The following ZNF682 variants were observed in gnomAD, a reference collection of about 807,000 sequenced individuals.
The protein encoded by ZNF682 is zinc finger protein 682.
A neutral mutation model predicts 36.5 loss-of-function variants in ZNF682; 29 were observed. That is an observed-to-expected ratio of 0.80 (90% confidence interval 0.59 to 1.08). The LOEUF (loss-of-function observed/expected upper bound fraction) is 1.08, where lower values mean the gene tolerates loss of function less well. Among genes scored for constraint, ZNF682 ranks in the 50% least tolerant of loss-of-function variants. The pLI, the probability that ZNF682 is intolerant of heterozygous loss-of-function variation, is 0.00. For missense variants in ZNF682, 561 were observed against 579.7 expected (o/e 0.97, Z 0.33); for synonymous variants, 180 against 197.0 (o/e 0.91, Z 0.72).
chr19:19,997,459 T>C (rs1046671593), intron 3 of ZNF682, among the ~76,000 whole-genome samples: 1 of 152,180 alleles, frequency 6.6e-6, no homozygotes, highest in African/African-American at 2.4e-5. Context: ...AAAATGCTTC[T>C]ACTCCCTGGA....
chr19:20,027,785 CAA>C (rs58406735), intron 1 of ZNF682, among the ~76,000 whole-genome samples: 19 of 142,690 alleles, frequency 1.3e-4, no homozygotes, highest in South Asian at 6.8e-4. Context: ...AAAACAAAAA[CAA>C]AAAAAAAAAA....
At position 20,006,970 on chromosome 19, in the gene ZNF682, A is replaced by G. The variant is rs763342819; in HGVS notation, c.532T>C (p.Cys178Arg). The G allele has an allele frequency of 1.2e-6, 2 of 1,612,978 alleles. No individual in the cohort carries two copies. Among genetic ancestry groups the G allele is most frequent in the South Asian group, 2.2e-5 (2 of 90,962 alleles). The change falls in exon 4 of 4, where the codon TGT (cysteine) becomes CGT (arginine). Residue 178 changes from cysteine to arginine, a missense_variant. Cys to Arg is a radical substitution (Grantham distance 180). Transcript: ENST00000397165. ...GAGTGAGATTTAAAGACTTTGCCAC[A>G]TTGCATACATTTGAAAAGTTTCTCT... ...TTEKLFKCMQ[C>R]GKVFKSHSGL...
In ZNF682 at chr19:20,010,883, T is replaced by C. The variant is rs1599605285; in HGVS notation, c.227-3608A>G. 3.3e-5 allele frequency among the ~76,000 whole-genome samples: 5 copies of C among 152,060 alleles called. No homozygotes were observed. In the South Asian group the frequency reaches 8.3e-4, roughly 25 times the overall value. Reference sequence around the variant, plus strand: ...GGGAGGCTGAGGCAGGAGAATTGCTTGAATCCAGGAGGCAGAGGTTGCAGT... The same window carrying C: ...GGGAGGCTGAGGCAGGAGAATTGCTCGAATCCAGGAGGCAGAGGTTGCAGT... On this transcript the variant is annotated intron_variant, in intron 3 of 3. Transcript: ENST00000397165.
In ZNF682 at chr19:20,006,847, G is replaced by A. The variant is rs1459724370; in HGVS notation, c.655C>T (p.His219Tyr). 1.2e-6 allele frequency: 2 copies of A among 1,614,050 alleles called. No individual in the cohort carries two copies. The highest frequency in any genetic ancestry group is 1.1e-5 in the South Asian group (1 of 91,074). The change falls in exon 4 of 4, where the codon CAT becomes TAT. Residue 219 changes from histidine to tyrosine, a missense_variant. Physicochemically the swap from His to Tyr is moderately conservative, Grantham distance 83. Transcript: ENST00000397165. The stretch of plus-strand genomic sequence containing the variant: ...TTCTCTCCAGTGTGAATTCTCTTAT[G>A]TTTAGTAAGGTATGAGAACCACTTA... ...TFKWFSYLTK[H>Y]KRIHTGEKPY...
At chr19:20,018,801 T>C (rs1266721549) in intron 3 of ZNF682, among the ~76,000 whole-genome samples, 2 of 152,138 alleles carry the variant, frequency 1.3e-5, no homozygotes, top group African/African-American at 2.4e-5. Flanking sequence ...AAATATGACA[T>C]TGGACTTGGC....
At chr19:20,037,488 G>T (rs2088541217) in intron 1 of ZNF682, among the ~76,000 whole-genome samples, 1 of 152,210 alleles carries the variant, frequency 6.6e-6, no homozygotes, top group Non-Finnish European at 1.5e-5. Context: ...AATAAGCAAA[G>T]AAATCTTTCC....
rs1458661821 is a variant in ZNF682 at position 20,005,826 on chromosome 19, G to C, written c.*179C>G. 9 of 614,874 alleles carry C rather than the reference G, an allele frequency of 1.5e-5. No individual in the cohort carries two copies. In the Admixed American group the frequency reaches 3.0e-4, roughly 21 times the overall value. The allele number at this position is 614,874 out of a possible 1,614,324, so 38.1% of individuals were successfully genotyped here. A position where few individuals can be genotyped will look rare whatever the true frequency, so the allele number is the denominator to read the frequency against. ...TTCTTTAAAATCAGAATTTTTCTCA[G>C]CATGAATTTTCTTCTGTGCAATAAG... On this transcript the variant is annotated 3_prime_UTR_variant, in exon 4 of 4. Coordinates refer to ENST00000397165, the MANE Select transcript of ZNF682 (RefSeq NM_033196.3).
chr19:20,023,968 T>TA (rs1186738188), intron 2 of ZNF682, among the ~76,000 whole-genome samples: 1 of 151,982 alleles, frequency 6.6e-6, no homozygotes, highest in African/African-American at 2.4e-5. Flanking sequence ...GCAACAGAGC[T>TA]AGACTCTGTC....
downstream of ZNF682, among the ~76,000 whole-genome samples, chr19:20,001,430 AAGG>A: frequency 6.6e-6 from 1 of 152,328 alleles, no homozygotes; most frequent in South Asian, 2.1e-4. Flanking sequence ...CCCATCAGGG[AAGG>A]AGGTGTGCAT....
chr19:20,007,676 A>T (rs2088240815), intron 3 of ZNF682: 1 of 177,894 alleles, frequency 5.6e-6, no homozygotes, highest in Admixed American at 5.5e-5. Flanking sequence ...TTCCCAGCTA[A>T]ATCTAGTCTG....
intron 2 of ZNF682, among the ~76,000 whole-genome samples, chr19:20,023,912 G>A (rs1487874686): frequency 6.6e-6 from 1 of 152,028 alleles, no homozygotes; most frequent in African/African-American, 2.4e-5. Context: ...AACCCAGGAG[G>A]TGGAGGTTGC....
intron 1 of ZNF682, among the ~76,000 whole-genome samples, chr19:20,027,815 G>C (rs1288452877): frequency 6.6e-6 from 1 of 151,436 alleles, no homozygotes; most frequent in African/African-American, 2.4e-5. Flanking sequence ...TGGGGAGGCT[G>C]AGTCAGGAGA....
exon 4 of ZNF682, chr19:19,997,246 G>C (rs186339992): frequency 5.0e-6 from 2 of 398,616 alleles, no homozygotes; most frequent in Admixed American, 4.4e-5. Flanking sequence ...GGGTCCTACT[G>C]TCCAACTCTG....
At chr19:20,015,858 A>C (rs903591012) in intron 3 of ZNF682, 1 of 398,048 alleles carries the variant, frequency 2.5e-6, no homozygotes, top group South Asian at 1.3e-4. Flanking sequence ...GAAGCAAAGA[A>C]AAGACTTACA....
chr19:20,034,914 T>C lies in ZNF682; in HGVS notation c.3+4429A>G, dbSNP rs369622233. Among the ~76,000 whole-genome samples the C allele has an allele frequency of 2.8e-4, 43 of 152,122 alleles. No individual in the cohort carries two copies. The East Asian group carries it at 8.0e-3, about 28-fold the overall frequency. On this transcript the variant is annotated intron_variant, in intron 1 of 3. Coordinates refer to ENST00000397165, the MANE Select transcript of ZNF682 (RefSeq NM_033196.3). ...AAGTTCGAGACCAGCCTGGCCAGCA[T>C]GGCGAAACCCCGTCTCTACTAAAAT...
At chr19:20,018,874 G>A (rs1365919041) in intron 3 of ZNF682, among the ~76,000 whole-genome samples, 1 of 152,098 alleles carries the variant, frequency 6.6e-6, no homozygotes, top group African/African-American at 2.4e-5. Context: ...GAAATCAAAT[G>A]CATAAGGAAC....
chr19:20,036,400 T>C (rs922904500), intron 1 of ZNF682, among the ~76,000 whole-genome samples: 19 of 147,870 alleles, frequency 1.3e-4, no homozygotes, highest in African/African-American at 4.2e-4. Flanking sequence ...AGGTCAGGAG[T>C]TCAGGACCAG....
chr19:20,006,921 A>G lies in ZNF682; in HGVS notation c.581T>C (p.Ile194Thr), dbSNP rs2088229117. The part of the protein sequence containing the change: ...SHSGLSYHKI[I>T]HTEEKLCICE... ...TATGCAGAGTTTCTCTTCAGTGTGA[A>G]TTATCTTATGATAAGAAAGGCCTGA... is the stretch of plus-strand genomic sequence containing the variant. The change falls in exon 4 of 4, where the codon ATT (isoleucine) becomes ACT (threonine). Residue 194 changes from isoleucine to threonine, a missense_variant. Coordinates refer to ENST00000397165, the MANE Select transcript of ZNF682 (RefSeq NM_033196.3). 3 of 1,613,802 alleles carry G rather than the reference A, an allele frequency of 1.9e-6. No homozygotes were observed. Among genetic ancestry groups the G allele is most frequent in the Non-Finnish European group, 2.5e-6 (3 of 1,179,900 alleles).
chr19:19,997,142 G>A, exon 4 of ZNF682: 1 of 398,172 alleles, frequency 2.5e-6, no homozygotes, highest in Non-Finnish European at 4.4e-6. Flanking sequence ...TACGTGTCCA[G>A]GGGCACAGAG....
Sources: allele counts gnomAD v4.1 joint callset (sites outside exome capture counted in the v4.1 genomes callset), GRCh38; gene constraint gnomAD v4.1.1; transcripts MANE v1.5; gene names NCBI Gene and HGNC (gene_info 2026-07-23, HGNC 2026-07-21).